Variants in ANAPC1 observed in about 807,000 individuals in gnomAD.
ANAPC1 encodes anaphase promoting complex subunit 1.
ANAPC1 carries 36 observed loss-of-function variants against 208.0 expected under a neutral mutation model. The ratio of observed to expected loss-of-function variants is 0.17; its 90% CI spans 0.13 to 0.23. ANAPC1 has a LOEUF of 0.23. Ranked by LOEUF, ANAPC1 falls within the 10% of genes least tolerant of loss-of-function variation. The pLI, the probability that ANAPC1 is intolerant of heterozygous loss-of-function variation, is 1.00. For missense variants in ANAPC1, 942 were observed against 2,011.6 expected, an observed-to-expected ratio of 0.47 and a Z score of 10.17; for synonymous variants, 378 against 695.2, an observed-to-expected ratio of 0.54 and a Z score of 7.18.
At chr2:111,875,822 CCATAAT>C (rs1344059587) in intron 3 of ANAPC1, among the ~76,000 whole-genome samples, 3 of 152,172 alleles carry the variant, frequency 2.0e-5, no homozygotes, top group Non-Finnish European at 2.9e-5. Flanking sequence ...TCATCTTTTT[CCATAAT>C]TCTTTTTGCT....
intron 13 of ANAPC1, 54 bp from the exon 14 acceptor site, chr2:111,850,964 T>G: frequency 6.4e-7 from 1 of 1,560,668 alleles, no homozygotes; most frequent in Non-Finnish European, 8.6e-7. Flanking sequence ...ATGCATCATA[T>G]CCTTAAATAA....
chr2:111,880,370 C>T (rs922213238), intron 2 of ANAPC1: 5 of 927,084 alleles, frequency 5.4e-6, no homozygotes, highest in Non-Finnish European at 7.1e-6. Flanking sequence ...AAAACTTCAT[C>T]TCAAACAAAA....
At chr2:111,831,488 T>A in intron 20 of ANAPC1, 54 bp from the exon 21 acceptor site, 1 of 1,330,164 alleles carries the variant, frequency 7.5e-7, no homozygotes, top group South Asian at 1.3e-5. Flanking sequence ...AAGACAACAT[T>A]ATTTTATTTT....
rs116905297 is a variant in ANAPC1 at position 111,774,138 on chromosome 2, C to G, written c.5585-1663G>C. Among the ~76,000 whole-genome samples, 8 of 152,222 alleles carry G rather than the reference C, an allele frequency of 5.3e-5. No homozygotes were observed. In the East Asian group the frequency reaches 1.5e-3, roughly 29 times the overall value. On this transcript the variant is annotated intron_variant, in intron 46 of 47. Transcript: ENST00000341068. Reference sequence around the variant, plus strand: ...GGATTGAAAGGCATCAGCAATGGGTCAGCTATTGCAGAGAAGGGAAGGAGG... The same window carrying G: ...GGATTGAAAGGCATCAGCAATGGGTGAGCTATTGCAGAGAAGGGAAGGAGG...
intron 8 of ANAPC1, among the ~76,000 whole-genome samples, chr2:111,864,403 A>C (rs1350856122): frequency 4.3e-5 from 2 of 46,986 alleles, no homozygotes; most frequent in Non-Finnish European, 9.0e-5. Context: ...TGATTTTTCC[A>C]AAAAAAAAAA....
chr2:111,823,813 T>A (rs1401553330), intron 24 of ANAPC1, among the ~76,000 whole-genome samples: 1 of 151,254 alleles, frequency 6.6e-6, no homozygotes. Flanking sequence ...CACTATAACA[T>A]TGGGGTGTGT....
chr2:111,856,541 A>C, intron 13 of ANAPC1, 73 bp downstream of exon 13: 1 of 1,405,990 alleles, frequency 7.1e-7, no homozygotes, highest in Non-Finnish European at 1.0e-6. Context: ...TATCAATCTA[A>C]AGTAACATTA....
rs1677931044 is a variant in ANAPC1, at chr2:111,792,519, C to T, written c.4555G>A (p.Val1519Met). ...ATGACCATGGCGAGAGACAGCAGCA[C>T]CACGCTCAGACAAGTTTCTAGGTTA... is the stretch of plus-strand genomic sequence containing the variant. The part of the protein sequence containing the change: ...PHNLETCLSV[V>M]LLSLAMVMAG... The change falls in exon 38 of 48, where the codon GTG becomes ATG. Residue 1519 changes from valine (V) to methionine (M), a missense_variant. Physicochemically the swap from Val to Met is conservative, Grantham distance 21. Coordinates refer to ENST00000341068, the MANE Select transcript of ANAPC1 (RefSeq NM_022662.4). The T allele has an allele frequency of 2.5e-6, 4 of 1,613,964 alleles. No homozygotes were observed. Among genetic ancestry groups the T allele is most frequent in the African/African-American group, 1.3e-5 (1 of 75,040 alleles).
intron 8 of ANAPC1, among the ~76,000 whole-genome samples, chr2:111,864,329 AGATGATGATGATGATGAT>A (rs200879980): frequency 0.017 from 1,900 of 110,688 alleles, 46 homozygotes; most frequent in African/African-American, 0.063. Flanking sequence ...CTGTCTCTAG[AGATGATGATGATGATGAT>A]GATGATGATG....
chr2:111,869,400 C>A (rs539660652), intron 6 of ANAPC1, among the ~76,000 whole-genome samples: 12 of 152,054 alleles, frequency 7.9e-5, no homozygotes, highest in Non-Finnish European at 1.6e-4. Context: ...CCTGCCACCA[C>A]GCTTGGCTAA....
chr2:111,810,453 T>C (rs1678915924), intron 28 of ANAPC1, among the ~76,000 whole-genome samples: 1 of 151,982 alleles, frequency 6.6e-6, no homozygotes, highest in South Asian at 2.1e-4. Flanking sequence ...CTTTAAACAG[T>C]GAATTGTATG....
At chr2:111,860,795 G>C (rs899781629) in intron 10 of ANAPC1, among the ~76,000 whole-genome samples, 12 of 149,332 alleles carry the variant, frequency 8.0e-5, no homozygotes, top group African/African-American at 2.9e-4. Context: ...CTACACCACT[G>C]GATTTTAACT....
At chr2:111,795,078 G>A in intron 34 of ANAPC1, 184 bp from the exon 35 acceptor site, 2 of 466,378 alleles carry the variant, frequency 4.3e-6, no homozygotes, top group South Asian at 4.7e-5. Context: ...AATCTAAGAT[G>A]GGCTAAGTAA....
chr2:111,862,865 A>G (rs1682154052), intron 9 of ANAPC1, among the ~76,000 whole-genome samples: 1 of 152,160 alleles, frequency 6.6e-6, no homozygotes, highest in South Asian at 2.1e-4. Context: ...TCGGAAAATG[A>G]ATGATTATTC....
chr2:111,835,419 G>A (rs1357304278), intron 18 of ANAPC1, among the ~76,000 whole-genome samples: 1 of 152,120 alleles, frequency 6.6e-6, no homozygotes, highest in African/African-American at 2.4e-5. Flanking sequence ...ACTGCATTTG[G>A]TTCAGAGAAT....
chr2:111,826,582 C>T (rs1463154657), intron 21 of ANAPC1, among the ~76,000 whole-genome samples: 1 of 152,086 alleles, frequency 6.6e-6, no homozygotes. Flanking sequence ...ACATACCAAA[C>T]TTTGTTTACC....
intron 21 of ANAPC1, 140 bp from the exon 22 acceptor site, chr2:111,825,995 G>A (rs1004311353): frequency 5.1e-6 from 3 of 586,792 alleles, no homozygotes; most frequent in Non-Finnish European, 8.8e-6. Context: ...TCCTGCTTCA[G>A]TCTCCAGAGT....
At chr2:111,878,091 C>G (rs1683109207) in intron 3 of ANAPC1, among the ~76,000 whole-genome samples, 1 of 152,096 alleles carries the variant, frequency 6.6e-6, no homozygotes, top group South Asian at 2.1e-4. Context: ...ACATTTGTTC[C>G]TTCACATTTA....
intron 7 of ANAPC1, 106 bp from the exon 8 acceptor site, chr2:111,865,057 A>T (rs1407688130): frequency 8.2e-7 from 1 of 1,214,846 alleles, no homozygotes; most frequent in Non-Finnish European, 1.1e-6. Context: ...CAACCAAGCC[A>T]AAGAGAGCAC....
Sources: gnomAD v4.1 joint callset for allele counts (sites outside exome capture counted in the v4.1 genomes callset) on GRCh38, gnomAD v4.1.1 for gene constraint, MANE v1.5 for transcripts, NCBI Gene and HGNC (gene_info 2026-07-23, HGNC 2026-07-21) for gene names.